Variants in MTUS2 observed in about 807,000 individuals in gnomAD.
MTUS2 encodes the protein microtubule associated scaffold protein 2, also known as microtubule-associated tumor suppressor candidate 2.
In MTUS2, 40 loss-of-function variants were observed where a neutral mutation model predicts 114.1. The observed-to-expected ratio is 0.35, with a 90% CI of 0.27 to 0.46. The LOEUF is 0.46. MTUS2 is among the 20% of genes least tolerant of loss of function. The probability of loss-of-function intolerance (pLI) is 1.00; values close to 1 mark genes in which losing one functional copy is unlikely to be tolerated. For synonymous variants in MTUS2, 688 were observed against 672.0 expected (o/e 1.02, Z -0.37); for missense variants, 1,679 against 1,705.4 (o/e 0.98, Z 0.27).
At chr13:29,487,817 C>A in intron 10 of MTUS2, 83 bp from the exon 11 acceptor site, 1 of 1,065,586 alleles carries the variant, frequency 9.4e-7, no homozygotes, top group South Asian at 1.3e-5. Context: ...TGTTTTGGGT[C>A]ACGGACCTTT....
intron 4 of MTUS2, among the ~76,000 whole-genome samples, chr13:29,055,062 G>A (rs1565982522): frequency 2.0e-5 from 3 of 151,974 alleles, no homozygotes; most frequent in Admixed American, 6.6e-5. Context: ...GATTGATAGC[G>A]TTATTGCAGT....
At chr13:29,004,195 A>G (rs1388698164) in intron 2 of MTUS2, among the ~76,000 whole-genome samples, 1 of 134,992 alleles carries the variant, frequency 7.4e-6, no homozygotes, top group South Asian at 2.3e-4. Context: ...GGGCACGCAC[A>G]TGTATTGTGC....
chr13:28,956,139 AC>A (rs1345343863), intron 2 of MTUS2, among the ~76,000 whole-genome samples: 6 of 145,856 alleles, frequency 4.1e-5, no homozygotes, highest in Admixed American at 1.4e-4. Context: ...GCTCCCACAT[AC>A]CAGTGAGAAC....
intron 5 of MTUS2, among the ~76,000 whole-genome samples, chr13:29,255,002 T>G (rs1157494245): frequency 6.6e-6 from 1 of 152,228 alleles, no homozygotes; most frequent in African/African-American, 2.4e-5. Context: ...TTACTTGAAT[T>G]AAATGCACCC....
At chr13:29,253,727 A>G (rs1458808019) in intron 5 of MTUS2, among the ~76,000 whole-genome samples, 1 of 152,204 alleles carries the variant, frequency 6.6e-6, no homozygotes, top group East Asian at 1.9e-4. Context: ...ATAAAGAAAA[A>G]GAGGTTTAAT....
chr13:29,086,923 A>G (rs1229077007), intron 4 of MTUS2, among the ~76,000 whole-genome samples: 4 of 152,120 alleles, frequency 2.6e-5, no homozygotes, highest in African/African-American at 7.2e-5. Flanking sequence ...TTATTGGTGT[A>G]TATGGTACTG....
intron 2 of MTUS2, among the ~76,000 whole-genome samples, chr13:28,963,118 G>A (rs962388856): frequency 2.0e-5 from 3 of 152,152 alleles, no homozygotes; most frequent in Non-Finnish European, 2.9e-5. Flanking sequence ...TTGGGAGGCC[G>A]AGACAGACGG....
intron 8 of MTUS2, among the ~76,000 whole-genome samples, chr13:29,420,580 G>A (rs762228284): frequency 3.3e-5 from 5 of 152,004 alleles, no homozygotes; most frequent in Non-Finnish European, 5.9e-5. Flanking sequence ...CCCAGCCTCC[G>A]TTCTTTCTTT....
intron 2 of MTUS2, among the ~76,000 whole-genome samples, chr13:28,865,872 T>C (rs966800359): frequency 6.6e-6 from 1 of 152,216 alleles, no homozygotes; most frequent in African/African-American, 2.4e-5. Context: ...TTTTCTCTTA[T>C]GATTTCCTTG....
At chr13:29,014,409 T>C (rs954212207) in intron 2 of MTUS2, among the ~76,000 whole-genome samples, 2 of 152,242 alleles carry the variant, frequency 1.3e-5, no homozygotes, top group African/African-American at 2.4e-5. Context: ...GATGACACCA[T>C]ACTAATTCAT....
At chr13:29,172,659 A>G (rs1251187101) in intron 5 of MTUS2, among the ~76,000 whole-genome samples, 2 of 152,200 alleles carry the variant, frequency 1.3e-5, no homozygotes, top group Non-Finnish European at 2.9e-5. Flanking sequence ...AAAATTACAA[A>G]GAGAGACCCA....
Position 29,503,233 on chromosome 13 carries a change from C to CG in MTUS2, c.*29dup. The CG allele has an allele frequency of 6.2e-7, 1 of 1,610,058 alleles. No individual in the cohort carries two copies. Among genetic ancestry groups the CG allele is most frequent in the Non-Finnish European group, 8.5e-7 (1 of 1,178,970 alleles). On this transcript the variant is annotated 3_prime_UTR_variant, in exon 16 of 16. Coordinates refer to ENST00000612955, the MANE Select transcript of MTUS2 (RefSeq NM_001033602.4). ...GCCACTACACGGCCTGCGGGAGCTC[C>CG]GGCTTCTCGTCCTCCGGTCTCCACC...
rs1246381374 is a variant in MTUS2, at chr13:29,026,692, T to G, written c.1994T>G (p.Val665Gly). ...LGQVDASLVPVGLPYAPPTCT... is the reference protein window; with the variant it reads ...LGQVDASLVPGGLPYAPPTCT... ...CAGGTGGACGCCTCGCTGGTTCCAG[T>G]GGGGCTTCCATATGCCCCGCCCACA... Residue 665 changes from valine to glycine, a missense_variant, in exon 3 of 16, where the codon GTG becomes GGG. This residue lies in a region of MTUS2 where 822 missense variants were observed against 899.7 expected (regional missense o/e 0.91). Transcript: ENST00000612955. The G allele has an allele frequency of 1.2e-6, 2 of 1,614,010 alleles. No individual in the cohort carries two copies. Among genetic ancestry groups the G allele is most frequent in the South Asian group, 2.2e-5 (2 of 91,078 alleles).
chr13:28,841,286 C>G (rs941021040), intron 2 of MTUS2, among the ~76,000 whole-genome samples: 6 of 152,022 alleles, frequency 3.9e-5, no homozygotes, highest in African/African-American at 1.5e-4. Flanking sequence ...TTAGGGGCTA[C>G]GGGTGGAGTA....
intron 2 of MTUS2, among the ~76,000 whole-genome samples, chr13:28,995,453 T>G (rs977108402): frequency 6.6e-5 from 10 of 152,184 alleles, no homozygotes; most frequent in Admixed American, 6.5e-4. Context: ...ATTGGTAGAT[T>G]GATGGGGATG....
At chr13:29,029,073 C>T (rs1041366039) in intron 3 of MTUS2, among the ~76,000 whole-genome samples, 2 of 152,174 alleles carry the variant, frequency 1.3e-5, no homozygotes, top group Non-Finnish European at 2.9e-5. Flanking sequence ...ACGAGGTGCC[C>T]CAACAAGCCG....
intron 7 of MTUS2, among the ~76,000 whole-genome samples, chr13:29,351,783 T>A (rs117725016): frequency 0.53 from 77,804 of 147,686 alleles, 23,262 homozygotes; most frequent in East Asian, 0.74. Context: ...TGTTTATTTT[T>A]TTTTTTTTTT....
chr13:29,052,430 G>A (rs532682609), intron 4 of MTUS2, among the ~76,000 whole-genome samples: 7 of 127,650 alleles, frequency 5.5e-5, no homozygotes, highest in East Asian at 4.6e-4. Flanking sequence ...GCAGTGAGCC[G>A]AGATCACACC....
intron 5 of MTUS2, among the ~76,000 whole-genome samples, chr13:29,242,095 A>G (rs1277490162): frequency 6.6e-6 from 1 of 152,258 alleles, no homozygotes; most frequent in African/African-American, 2.4e-5. Context: ...ATAACTAGAT[A>G]TATTTTACAT....
Sources: allele counts gnomAD v4.1 joint callset (sites outside exome capture counted in the v4.1 genomes callset), GRCh38; gene constraint gnomAD v4.1.1; regional missense constraint gnomAD v4.1.1; transcripts MANE v1.5; gene names NCBI Gene and HGNC (gene_info 2026-07-23, HGNC 2026-07-21).